PLXNA2: variants seen among roughly 807,000 people sequenced by gnomAD.
PLXNA2 encodes plexin A2.
A neutral mutation model predicts 193.5 loss-of-function variants in PLXNA2; 91 were observed. The observed-to-expected ratio is 0.47, with a 90% confidence interval of 0.40 to 0.56. The LOEUF (loss-of-function observed/expected upper bound fraction) is 0.56, where lower values mean the gene tolerates loss of function less well. Among genes scored for constraint, PLXNA2 ranks in the 20% least tolerant of loss-of-function variants. The pLI, the probability that PLXNA2 is intolerant of heterozygous loss-of-function variation, is 0.00. For synonymous variants in PLXNA2, 997 were observed against 1,027.3 expected, an observed-to-expected ratio of 0.97 and a Z score of 0.56; for missense variants, 1,995 against 2,503.2, an observed-to-expected ratio of 0.80 and a Z score of 4.33.
chr1:208,185,075 T>A (rs1479073521), intron 3 of PLXNA2, among the ~76,000 whole-genome samples: 1 of 152,170 alleles, frequency 6.6e-6, no homozygotes, highest in Non-Finnish European at 1.5e-5. Flanking sequence ...AATCCCTGCC[T>A]CTCACACTCT....
At chr1:208,130,213 C>T (rs1668105011) in intron 4 of PLXNA2, among the ~76,000 whole-genome samples, 1 of 152,130 alleles carries the variant, frequency 6.6e-6, no homozygotes, top group Non-Finnish European at 1.5e-5. Context: ...GGCTGAAAAG[C>T]TGAGTCCCTG....
intron 27 of PLXNA2, 133 bp from the exon 28 acceptor site, chr1:208,033,642 G>A: frequency 3.1e-6 from 2 of 647,230 alleles, no homozygotes; most frequent in Non-Finnish European, 5.0e-6. Flanking sequence ...GGACCGTTGG[G>A]ACCTCATATA....
At position 208,082,579 on chromosome 1, in the gene PLXNA2, C is replaced by A; in HGVS notation, c.2299-71G>T. 1 of 1,007,816 alleles carries A rather than the reference C, an allele frequency of 9.9e-7. No homozygotes were observed. The highest frequency in any genetic ancestry group is 1.6e-6 in the Non-Finnish European group (1 of 641,588). 62.4% of individuals were successfully genotyped at this position (1,007,816 alleles called of 1,614,324 possible). A position where few individuals can be genotyped will look rare whatever the true frequency, so the allele number is the denominator to read the frequency against. ...CACAGGGGTCAGGGATGCAGACAAA[C>A]CCTGCATGCTGCTCAGATTATTATG... is the stretch of plus-strand genomic sequence containing the variant. On this transcript the variant is annotated intron_variant, in intron 10 of 31. Transcript: ENST00000367033. The surrounding 1 kb of genome is among the most constrained non-coding windows in gnomAD (Gnocchi z 4.2).
At chr1:208,037,084 G>C (rs1305450478) in intron 26 of PLXNA2, among the ~76,000 whole-genome samples, 2 of 152,206 alleles carry the variant, frequency 1.3e-5, no homozygotes, top group Non-Finnish European at 2.9e-5. Flanking sequence ...AGTGATGACA[G>C]CTACCTTATC....
chr1:208,142,456 G>A lies in PLXNA2; in HGVS notation c.1379C>T (p.Ala460Val). Residue 460 changes from alanine to valine, a missense_variant, in exon 4 of 32, where the codon GCC (alanine) becomes GTC (valine). Coordinates refer to ENST00000367033, the MANE Select transcript of PLXNA2 (RefSeq NM_025179.4). ...TKSGKLKKIR[A>V]DGPPHGGVQY... ...GACCCCACCATGGGGGGGACCGTCG[G>A]CCCGAATCTGTATGAGAAACAAGGG... 6.2e-7 allele frequency: 1 copy of A among 1,605,344 alleles called. No homozygotes were observed. The highest frequency in any genetic ancestry group is 8.5e-7 in the Non-Finnish European group (1 of 1,176,652).
rs545146272 is a variant in PLXNA2 at position 208,136,559 on chromosome 1, G to A, written c.1506+5770C>T. On this transcript the variant is annotated intron_variant, in intron 4 of 31. Coordinates refer to ENST00000367033, the MANE Select transcript of PLXNA2 (RefSeq NM_025179.4). ...TCCTCCCTTCTCTCCACAGATGCCT[G>A]CTATCCTGGCCTTCTGGCCTCACAC... Among the ~76,000 whole-genome samples the A allele has an allele frequency of 7.2e-5, 11 of 152,340 alleles. 1 individual carries two copies. In the Middle Eastern group the frequency reaches 0.01, roughly 141 times the overall value.
intron 1 of PLXNA2, among the ~76,000 whole-genome samples, chr1:208,237,125 T>G (rs1371196419): frequency 6.6e-6 from 1 of 152,244 alleles, no homozygotes; most frequent in Non-Finnish European, 1.5e-5. Context: ...CTCTTTGAGT[T>G]GAAATCTTCA....
At chr1:208,146,424 G>T (rs1668601834) in intron 3 of PLXNA2, among the ~76,000 whole-genome samples, 1 of 152,198 alleles carries the variant, frequency 6.6e-6, no homozygotes, top group Admixed American at 6.5e-5. Context: ...TCCAATCCAT[G>T]GTGGAACTGG....
At chr1:208,186,980 C>T (rs922118072) in intron 3 of PLXNA2, among the ~76,000 whole-genome samples, 6 of 152,008 alleles carry the variant, frequency 3.9e-5, no homozygotes, top group Non-Finnish European at 7.4e-5. Context: ...CTCGGCCTCC[C>T]AAAGTGCTGG....
intron 4 of PLXNA2, among the ~76,000 whole-genome samples, chr1:208,113,005 C>CCA (rs761668628): frequency 8.7e-5 from 10 of 114,634 alleles, no homozygotes; most frequent in African/African-American, 3.5e-4. Flanking sequence ...GAAGGACCTA[C>CCA]AAAAAAAAAA....
intron 3 of PLXNA2, among the ~76,000 whole-genome samples, chr1:208,185,400 A>G (rs1256395579): frequency 2.0e-5 from 3 of 152,206 alleles, no homozygotes; most frequent in Non-Finnish European, 4.4e-5. Context: ...AAATATATCC[A>G]TATATCTCTC....
chr1:208,195,717 A>G (rs7555574), intron 3 of PLXNA2, among the ~76,000 whole-genome samples: 5,854 of 152,046 alleles, frequency 0.039, 175 homozygotes, highest in Non-Finnish European at 0.062. Flanking sequence ...GCTAATACAC[A>G]GACTGGCTGC....
intron 12 of PLXNA2, among the ~76,000 whole-genome samples, chr1:208,065,675 C>T (rs939538540): frequency 2.0e-5 from 3 of 152,118 alleles, no homozygotes; most frequent in Non-Finnish European, 2.9e-5. Flanking sequence ...TGGGGTGACC[C>T]GGGGTACAAA....
rs150681775 is a variant in PLXNA2 at position 208,168,771 on chromosome 1, C to T, written c.1372-26308G>A. On this transcript the variant is annotated intron_variant, in intron 3 of 31. Transcript: ENST00000367033. Reference sequence around the variant, plus strand: ...TTTTTTAGAATGACAGGTAGTGCTCCTGAGAGACTGATGGCTCAACACAGT... The same window carrying T: ...TTTTTTAGAATGACAGGTAGTGCTCTTGAGAGACTGATGGCTCAACACAGT... Among the ~76,000 whole-genome samples, 365 of 118,752 alleles carry T rather than the reference C, an allele frequency of 3.1e-3. 2 individuals carry two copies. The highest frequency in any genetic ancestry group is 0.011 in the African/African-American group (352 of 32,436). 77.9% of individuals were successfully genotyped at this position (118,752 alleles called of 152,430 possible).
At chr1:208,039,821 GT>G (rs1664805446) in intron 23 of PLXNA2, 54 bp from the exon 24 acceptor site, 8 of 1,611,108 alleles carry the variant, frequency 5.0e-6, no homozygotes, top group Non-Finnish European at 5.9e-6. Flanking sequence ...AGGTTTGTAC[GT>G]TTTCCCTTTC....
chr1:208,045,894 G>A lies in PLXNA2; in HGVS notation c.3479C>T (p.Ser1160Leu), dbSNP rs754901668. 6 of 1,614,244 alleles carry A rather than the reference G, an allele frequency of 3.7e-6. No homozygotes were observed. Among genetic ancestry groups the A allele is most frequent in the South Asian group, 2.2e-5 (2 of 91,090 alleles). Reference protein sequence around the residue: ...PTGVLDQKPGSPIILKGKNLC... With the variant: ...PTGVLDQKPGLPIILKGKNLC... ...CACTCCTACCTTCAGAATGATGGGC[G>A]ATCCTGGCTTTTGATCCAAGACTCC... Residue 1160 changes from serine to leucine, a missense_variant, in exon 18 of 32, where the codon TCG becomes TTG. Coordinates refer to ENST00000367033, the MANE Select transcript of PLXNA2 (RefSeq NM_025179.4).
At position 208,138,477 on chromosome 1, in the gene PLXNA2, G is replaced by A. The variant is rs75931487; in HGVS notation, c.1506+3852C>T. 4.6e-5 allele frequency among the ~76,000 whole-genome samples: 7 copies of A among 152,302 alleles called. No individual in the cohort carries two copies. The East Asian group carries it at 1.4e-3, about 29-fold the overall frequency. ...GTAGGAGGCAACCCCATCATAAGTC[G>A]AGAGCATGTGTACATATCCATAACC... On this transcript the variant is annotated intron_variant, in intron 4 of 31. Transcript: ENST00000367033.
In PLXNA2 at chr1:208,216,886, T is replaced by TA; in HGVS notation, c.1036dup (p.Tyr346LeufsTer7). 1 of 1,614,202 alleles carries TA rather than the reference T, an allele frequency of 6.2e-7. No homozygotes were observed. The highest frequency in any genetic ancestry group is 8.5e-7 in the Non-Finnish European group (1 of 1,180,034). On this transcript the variant is annotated frameshift_variant, in exon 2 of 32. Coordinates refer to ENST00000367033, the MANE Select transcript of PLXNA2 (RefSeq NM_025179.4). LOFTEE classifies it high-confidence loss of function. ...GGCAGAGTCATCGGGCGGGTGGTGA[T>TA]ACTGCTTCTGCCCTTTGGAGAAGAT...
At chr1:208,032,330 T>A (rs746020873) in intron 28 of PLXNA2, among the ~76,000 whole-genome samples, 1 of 152,190 alleles carries the variant, frequency 6.6e-6, no homozygotes, top group Non-Finnish European at 1.5e-5. Flanking sequence ...GGGGCAGGAA[T>A]AAGACTGGGC....
Sources: allele counts gnomAD v4.1 joint callset (sites outside exome capture counted in the v4.1 genomes callset), GRCh38; gene constraint gnomAD v4.1.1; non-coding constraint Gnocchi (gnomAD v3.1); transcripts MANE v1.5; gene names NCBI Gene and HGNC (gene_info 2026-07-23, HGNC 2026-07-21).